KCNU1: variants seen among roughly 807,000 people sequenced by gnomAD.
KCNU1 encodes the protein potassium channel subfamily U member 1.
KCNU1 carries 93 observed loss-of-function variants against 126.8 expected under a neutral mutation model. That is an observed-to-expected ratio of 0.73 (90% CI 0.62 to 0.87). KCNU1 has a LOEUF of 0.87. Among genes scored for constraint, KCNU1 ranks in the 40% least tolerant of loss-of-function variants. The pLI is 0.00. For synonymous variants in KCNU1, 523 were observed against 494.2 expected (o/e 1.06, Z -0.77); for missense variants, 1,330 against 1,367.1 (o/e 0.97, Z 0.43).
intron 10 of KCNU1, among the ~76,000 whole-genome samples, chr8:36,833,014 G>T (rs1804610842): frequency 6.6e-6 from 1 of 152,080 alleles, no homozygotes; most frequent in Non-Finnish European, 1.5e-5. Flanking sequence ...TGTGATCAAA[G>T]ATCATTATAT....
chr8:36,886,683 G>GT (rs1469620033), intron 19 of KCNU1, among the ~76,000 whole-genome samples: 2 of 152,084 alleles, frequency 1.3e-5, no homozygotes, highest in Non-Finnish European at 2.9e-5. Context: ...GGTACAAGTG[G>GT]TTTTTTGGTT....
At chr8:36,912,691 G>A (rs573046469) in intron 22 of KCNU1, among the ~76,000 whole-genome samples, 1 of 152,174 alleles carries the variant, frequency 6.6e-6, no homozygotes, top group African/African-American at 2.4e-5. Flanking sequence ...AGCAGTATAG[G>A]CAGGGCGCGG....
intron 10 of KCNU1, among the ~76,000 whole-genome samples, chr8:36,828,033 T>C (rs991089576): frequency 1.3e-5 from 2 of 152,160 alleles, no homozygotes; most frequent in African/African-American, 4.8e-5. Flanking sequence ...TTACATGTTT[T>C]TGATATTTAA....
chr8:36,784,697 T>G, intron 1 of KCNU1, 92 bp downstream of exon 1: 1 of 1,019,640 alleles, frequency 9.8e-7, no homozygotes, highest in Non-Finnish European at 1.4e-6. Flanking sequence ...CTTCATTCAG[T>G]TTTTCAAGCT....
intron 10 of KCNU1, among the ~76,000 whole-genome samples, chr8:36,822,328 C>A (rs979543359): frequency 6.6e-6 from 1 of 151,954 alleles, no homozygotes; most frequent in African/African-American, 2.4e-5. Flanking sequence ...CTAGCTCAGT[C>A]GAGGCAGCAC....
intron 10 of KCNU1, among the ~76,000 whole-genome samples, chr8:36,818,577 G>A (rs1804006675): frequency 6.6e-6 from 1 of 152,092 alleles, no homozygotes; most frequent in Non-Finnish European, 1.5e-5. Flanking sequence ...AAGATCCATG[G>A]AATTGCTTTT....
chr8:36,893,327 CT>C (rs768832342), intron 19 of KCNU1, among the ~76,000 whole-genome samples: 10,581 of 138,008 alleles, frequency 0.077, 421 homozygotes, highest in Non-Finnish European at 0.1. Context: ...TTTTATGGGT[CT>C]TTTTTTTTTT....
intron 26 of KCNU1, 134 bp downstream of exon 26, chr8:36,933,166 C>T (rs1224947309): frequency 1.7e-6 from 1 of 601,356 alleles, no homozygotes; most frequent in Non-Finnish European, 2.9e-6. Flanking sequence ...AAATAAAAAA[C>T]TATGTAAGAA....
Position 36,829,593 on chromosome 8 carries a change from G to A in KCNU1, c.1107-3961G>A, listed in dbSNP as rs1249701116. On this transcript the variant is annotated intron_variant, in intron 10 of 26. Transcript: ENST00000399881. ...TTTTATTTTTTTTTATAGTTGACAA[G>A]CTTTACTTGGCCCTTTATATTTTAT... is the stretch of plus-strand genomic sequence containing the variant. Among the ~76,000 whole-genome samples the A allele has an allele frequency of 2.7e-5, 4 of 150,558 alleles. No individual in the cohort carries two copies. In the East Asian group the frequency reaches 7.7e-4, roughly 29 times the overall value.
intron 18 of KCNU1, among the ~76,000 whole-genome samples, chr8:36,851,385 CTA>C (rs200075236): frequency 0.013 from 1,467 of 115,702 alleles, 19 homozygotes; most frequent in African/African-American, 0.026. Flanking sequence ...CTCTCTCTCT[CTA>C]TCTCTCTCTC....
At chr8:36,817,499 C>CAAA (rs375306964) in intron 9 of KCNU1, 151 bp from the exon 10 acceptor site, 198 of 234,606 alleles carry the variant, frequency 8.4e-4, no homozygotes, top group East Asian at 2.7e-3. Context: ...AACTCCATCT[C>CAAA]AAAAAAAAAA....
chr8:36,867,538 G>T (rs2117350764), intron 19 of KCNU1, among the ~76,000 whole-genome samples: 1 of 152,260 alleles, frequency 6.6e-6, no homozygotes, highest in Non-Finnish European at 1.5e-5. Flanking sequence ...AAAATTGTTT[G>T]TGAAGACATA....
In KCNU1 at chr8:36,904,736, G is replaced by T. The variant is rs1029861870; in HGVS notation, c.2010-972G>T. Among the ~76,000 whole-genome samples, 5 of 152,248 alleles carry T rather than the reference G, an allele frequency of 3.3e-5. No individual in the cohort carries two copies. The South Asian group carries it at 8.3e-4, about 25-fold the overall frequency. On this transcript the variant is annotated intron_variant, in intron 19 of 26. Coordinates refer to ENST00000399881, the MANE Select transcript of KCNU1 (RefSeq NM_001031836.3). ...TTCTCCAGTTCCTTTCTCCTCTCCT[G>T]CCTGGTGACTGAGGAGGATGCATGT...
intron 2 of KCNU1, among the ~76,000 whole-genome samples, chr8:36,801,478 A>C (rs1032796812): frequency 6.7e-6 from 1 of 148,466 alleles, no homozygotes; most frequent in African/African-American, 2.5e-5. Flanking sequence ...GTTCATTTCC[A>C]TGGGTTGGGG....
intron 19 of KCNU1, among the ~76,000 whole-genome samples, chr8:36,890,544 T>G (rs1401157930): frequency 1.3e-5 from 2 of 151,796 alleles, no homozygotes; most frequent in Non-Finnish European, 2.9e-5. Flanking sequence ...AGAGATAAAA[T>G]GAAATCATAT....
intron 22 of KCNU1, among the ~76,000 whole-genome samples, chr8:36,917,305 TC>T (rs1339910643): frequency 6.6e-6 from 1 of 152,030 alleles, no homozygotes; most frequent in African/African-American, 2.4e-5. Flanking sequence ...GGTGTGTTTT[TC>T]TTTTTCTTTT....
chr8:36,876,263 T>G (rs746121108), intron 19 of KCNU1, among the ~76,000 whole-genome samples: 3 of 152,196 alleles, frequency 2.0e-5, no homozygotes, highest in Non-Finnish European at 4.4e-5. Flanking sequence ...CTTCTCTACA[T>G]AGATTCTATC....
chr8:36,824,338 A>G (rs1804239675), intron 10 of KCNU1, among the ~76,000 whole-genome samples: 1 of 152,208 alleles, frequency 6.6e-6, no homozygotes, highest in Admixed American at 6.5e-5. Context: ...ACAATATGGT[A>G]TTTTGAAAGG....
intron 4 of KCNU1, among the ~76,000 whole-genome samples, chr8:36,806,011 T>A (rs908469943): frequency 3.9e-5 from 6 of 152,234 alleles, no homozygotes; most frequent in East Asian, 1.9e-4. Context: ...GTGCAGCTAA[T>A]CTTTATATTT....
Sources: allele counts gnomAD v4.1 joint callset (sites outside exome capture counted in the v4.1 genomes callset), GRCh38; gene constraint gnomAD v4.1.1; transcripts MANE v1.5; gene names NCBI Gene and HGNC (gene_info 2026-07-23, HGNC 2026-07-21).